FAM185A: variants seen among roughly 807,000 people sequenced by gnomAD.
The protein encoded by FAM185A is family with sequence similarity 185 member A.
FAM185A carries 21 observed loss-of-function variants against 45.7 expected under a neutral mutation model. The ratio of observed to expected loss-of-function variants is 0.46; its 90% CI spans 0.33 to 0.66. The LOEUF (loss-of-function observed/expected upper bound fraction) is 0.66. Among genes scored for constraint, FAM185A ranks in the 30% least tolerant of loss-of-function variants. FAM185A has a pLI of 0.03. For missense variants in FAM185A, 305 were observed against 485.4 expected, an observed-to-expected ratio of 0.63 and a Z score of 3.49; for synonymous variants, 117 against 194.0, an observed-to-expected ratio of 0.60 and a Z score of 3.30.
the FAM185A span, among the ~76,000 whole-genome samples, chr7:102,848,760 A>C: frequency 1.3e-5 from 2 of 152,132 alleles, no homozygotes; most frequent in South Asian, 4.2e-4. Context: ...TTGGGAGGCC[A>C]AGGCAGGTGC....
At chr7:102,793,841 C>A (rs541434566) in intron 7 of FAM185A, among the ~76,000 whole-genome samples, 2 of 151,892 alleles carry the variant, frequency 1.3e-5, no homozygotes, top group East Asian at 3.9e-4. Flanking sequence ...GAGTTAGAGA[C>A]CAGCCTGGCC....
Position 102,757,965 on chromosome 7 carries a change from T to C in FAM185A, c.654+19T>C, listed in dbSNP as rs747546687. 10 of 1,496,388 alleles carry C rather than the reference T, an allele frequency of 6.7e-6. No individual in the cohort carries two copies. In the South Asian group the frequency reaches 1.1e-4, roughly 17 times the overall value. 92.7% of individuals were successfully genotyped at this position (1,496,388 alleles called of 1,614,324 possible). On this transcript the variant is annotated intron_variant, in intron 3 of 7. Coordinates refer to ENST00000413034, the MANE Select transcript of FAM185A (RefSeq NM_001145268.2). The stretch of plus-strand genomic sequence containing the variant: ...TAAAAGTGTAAGATTGAAACTTTCT[T>C]TTTTTTTTTAGTAATTGCAACTTTG...
intron 2 of FAM185A, chr7:102,755,706 C>T (rs1172490131): frequency 1.8e-6 from 1 of 564,930 alleles, no homozygotes; most frequent in African/African-American, 1.9e-5. Context: ...GAAGGCAAGA[C>T]TGGGATGTCT....
intron 7 of FAM185A, among the ~76,000 whole-genome samples, chr7:102,806,679 G>T (rs1333806584): frequency 6.6e-6 from 1 of 152,190 alleles, no homozygotes; most frequent in Non-Finnish European, 1.5e-5. Flanking sequence ...GAACTCCAGA[G>T]GAGATATAAC....
chr7:102,793,200 GT>G (rs113039515), intron 7 of FAM185A, among the ~76,000 whole-genome samples: 65,591 of 150,974 alleles, frequency 0.43, 15,350 homozygotes, highest in African/African-American at 0.62. Context: ...CTTTTATGGT[GT>G]TTTTTTTTTG....
At chr7:102,829,285 CT>C in the FAM185A span, among the ~76,000 whole-genome samples, 2 of 152,184 alleles carry the variant, frequency 1.3e-5, no homozygotes, top group Non-Finnish European at 2.9e-5. Context: ...CTTCATGAAG[CT>C]TTTTGCATAT....
chr7:102,768,191 C>T lies in FAM185A; in HGVS notation c.794-4218C>T, dbSNP rs1453820423. ...CGTTTTCTACTGCCTTAGTGACGTG[C>T]CCAACTTCCCTCTTCCCTCTTCTGA... On this transcript the variant is annotated intron_variant, in intron 4 of 7. Transcript: ENST00000413034. Among the ~76,000 whole-genome samples the T allele has an allele frequency of 3.4e-5, 4 of 117,752 alleles. 1 individual carries two copies. The highest frequency in any genetic ancestry group is 6.2e-5 in the Non-Finnish European group (3 of 48,270). 77.2% of individuals were successfully genotyped at this position (117,752 alleles called of 152,430 possible).
the FAM185A span, among the ~76,000 whole-genome samples, chr7:102,815,258 T>C: frequency 1.3e-5 from 2 of 152,254 alleles, no homozygotes; most frequent in Non-Finnish European, 2.9e-5. Flanking sequence ...TTAATTTCTT[T>C]CTATTACATA....
At chr7:102,803,260 AAC>A (rs1796900122) in intron 7 of FAM185A, among the ~76,000 whole-genome samples, 1 of 152,230 alleles carries the variant, frequency 6.6e-6, no homozygotes, top group South Asian at 2.1e-4. Flanking sequence ...ATCCCTGATG[AAC>A]ACAGACGCTA....
At chr7:102,796,200 G>A (rs528903295) in intron 7 of FAM185A, among the ~76,000 whole-genome samples, 1 of 152,286 alleles carries the variant, frequency 6.6e-6, no homozygotes, top group East Asian at 1.9e-4. Flanking sequence ...TGTTGAGTCA[G>A]TTCCTGACTG....
the FAM185A span, among the ~76,000 whole-genome samples, chr7:102,848,331 C>T: frequency 1.1e-4 from 5 of 46,570 alleles, no homozygotes; most frequent in African/African-American, 2.6e-4. Flanking sequence ...CCGAGGCGGG[C>T]GGATCACGAG....
chr7:102,750,824 A>G (rs1195442054), intron 1 of FAM185A, among the ~76,000 whole-genome samples: 1 of 152,228 alleles, frequency 6.6e-6, no homozygotes, highest in Non-Finnish European at 1.5e-5. Flanking sequence ...TAGACAGCCA[A>G]GGATGGCATT....
chr7:102,773,671 A>G (rs553959670), intron 5 of FAM185A, among the ~76,000 whole-genome samples: 42 of 152,260 alleles, frequency 2.8e-4, no homozygotes, highest in African/African-American at 1.0e-3. Context: ...ACTCTCATCA[A>G]CAATGTATGA....
chr7:102,813,958 A>G (rs1359972705), downstream of FAM185A, among the ~76,000 whole-genome samples: 1 of 152,066 alleles, frequency 6.6e-6, no homozygotes, highest in Non-Finnish European at 1.5e-5. Flanking sequence ...TTTTGACTAC[A>G]TGGATGAACT....
the FAM185A span, among the ~76,000 whole-genome samples, chr7:102,847,749 A>G: frequency 6.6e-6 from 1 of 151,948 alleles, no homozygotes; most frequent in Non-Finnish European, 1.5e-5. Flanking sequence ...GGCTGGTCTC[A>G]AACTCCTGGC....
intron 7 of FAM185A, among the ~76,000 whole-genome samples, chr7:102,797,233 C>A (rs1384843019): frequency 6.6e-6 from 1 of 152,074 alleles, no homozygotes; most frequent in African/African-American, 2.4e-5. Flanking sequence ...GAGGCCGAGG[C>A]GGGCAGATCA....
Position 102,808,637 on chromosome 7 carries a change from A to G in FAM185A, c.*235A>G. On this transcript the variant is annotated 3_prime_UTR_variant, in exon 8 of 8. Transcript: ENST00000413034. ...CATAAAATAATACTCATTTACAGCT[A>G]TGTCTAGGTTCTCCGCTCAGGGAAT... 2.3e-6 allele frequency: 1 copy of G among 440,520 alleles called. No individual in the cohort carries two copies. The highest frequency in any genetic ancestry group is 4.1e-6 in the Non-Finnish European group (1 of 242,082). 27.3% of individuals were successfully genotyped at this position (440,520 alleles called of 1,614,324 possible). A position where few individuals can be genotyped will look rare whatever the true frequency, so the allele number is the denominator to read the frequency against.
intron 2 of FAM185A, chr7:102,755,481 G>C: frequency 1.5e-6 from 1 of 679,112 alleles, no homozygotes; most frequent in East Asian, 2.6e-5. Context: ...AGAAGAAGCG[G>C]AGGCTGTTGG....
the FAM185A span, among the ~76,000 whole-genome samples, chr7:102,837,903 GACTGTA>G: frequency 2.6e-5 from 4 of 152,190 alleles, no homozygotes; most frequent in African/African-American, 9.6e-5. Flanking sequence ...CTTCTGCATT[GACTGTA>G]ACTTCTTGAG....
Sources: allele counts gnomAD v4.1 joint callset (sites outside exome capture counted in the v4.1 genomes callset), GRCh38; gene constraint gnomAD v4.1.1; transcripts MANE v1.5; gene names NCBI Gene and HGNC (gene_info 2026-07-23, HGNC 2026-07-21).